The following PALLD variants were observed in gnomAD, a reference collection of about 807,000 sequenced individuals.
PALLD encodes the protein palladin, cytoskeletal associated protein.
In PALLD, 61 loss-of-function variants were observed where a neutral mutation model predicts 123.5. That is an observed-to-expected ratio of 0.49 (90% confidence interval 0.40 to 0.61). PALLD has a LOEUF of 0.61. Ranked by LOEUF, PALLD falls within the 20% of genes least tolerant of loss-of-function variation. The pLI, the probability that PALLD is intolerant of heterozygous loss-of-function variation, is 0.00. For synonymous variants in PALLD, 465 were observed against 496.4 expected, an observed-to-expected ratio of 0.94 and a Z score of 0.84; for missense variants, 1,273 against 1,377.0, an observed-to-expected ratio of 0.92 and a Z score of 1.20.
At chr4:168,870,508 G>A (rs892102547) in intron 10 of PALLD, among the ~76,000 whole-genome samples, 9 of 152,028 alleles carry the variant, frequency 5.9e-5, no homozygotes, top group Non-Finnish European at 1.3e-4. Flanking sequence ...TGATATATAC[G>A]TTTTTCAAAA....
intron 10 of PALLD, among the ~76,000 whole-genome samples, chr4:168,744,477 A>C (rs937897675): frequency 7.6e-6 from 1 of 131,734 alleles, no homozygotes; most frequent in Non-Finnish European, 1.6e-5. Context: ...GAGCCAAGAC[A>C]AGGTGTCTGG....
intron 2 of PALLD, among the ~76,000 whole-genome samples, chr4:168,576,256 C>T (rs896178276): frequency 6.6e-6 from 1 of 150,406 alleles, no homozygotes; most frequent in Non-Finnish European, 1.5e-5. Flanking sequence ...TATTATTATA[C>T]TTTGAGTTTT....
chr4:168,802,006 A>G (rs1161648032), intron 10 of PALLD, among the ~76,000 whole-genome samples: 1 of 152,224 alleles, frequency 6.6e-6, no homozygotes, highest in African/African-American at 2.4e-5. Context: ...CATGAAGAAG[A>G]GAACATGGAA....
At chr4:168,747,711 C>G (rs1056199548) in intron 10 of PALLD, among the ~76,000 whole-genome samples, 7 of 152,162 alleles carry the variant, frequency 4.6e-5, no homozygotes, top group Admixed American at 1.3e-4. Context: ...AATTTCTAGT[C>G]TCAGGGAAGC....
chr4:168,839,294 G>T (rs1027743457), intron 10 of PALLD, among the ~76,000 whole-genome samples: 1 of 152,052 alleles, frequency 6.6e-6, no homozygotes, highest in African/African-American at 2.4e-5. Flanking sequence ...ATTCTCTTGG[G>T]ACCACCTAAG....
intron 10 of PALLD, among the ~76,000 whole-genome samples, chr4:168,763,063 C>T (rs987136750): frequency 4.6e-5 from 7 of 152,084 alleles, no homozygotes; most frequent in African/African-American, 1.4e-4. Flanking sequence ...AGGAGAAATA[C>T]CTAATGTAGA....
intron 10 of PALLD, among the ~76,000 whole-genome samples, chr4:168,757,313 A>G (rs925106573): frequency 6.6e-6 from 1 of 152,196 alleles, no homozygotes; most frequent in African/African-American, 2.4e-5. Context: ...TGCCAAGTCA[A>G]AAAAACATCC....
intron 10 of PALLD, among the ~76,000 whole-genome samples, chr4:168,747,527 T>C (rs189768606): frequency 6.6e-6 from 1 of 152,308 alleles, no homozygotes; most frequent in African/African-American, 2.4e-5. Context: ...TGAGACAGTA[T>C]GTTTGAAACT....
intron 2 of PALLD, among the ~76,000 whole-genome samples, chr4:168,552,853 T>C (rs56663112): frequency 0.048 from 7,267 of 152,064 alleles, 196 homozygotes; most frequent in South Asian, 0.15. Context: ...TTTTTTAATT[T>C]TTAATAGAGA....
At chr4:168,875,616 T>C (rs1436755367) in intron 10 of PALLD, among the ~76,000 whole-genome samples, 1 of 152,170 alleles carries the variant, frequency 6.6e-6, no homozygotes, top group East Asian at 1.9e-4. Context: ...CAGTATATAC[T>C]AGCAGCCAAA....
chr4:168,878,081 G>T, intron 10 of PALLD: 1 of 1,445,002 alleles, frequency 6.9e-7, no homozygotes, highest in Non-Finnish European at 9.0e-7. Flanking sequence ...GTTCGGCCGC[G>T]CCCCCGTGCC....
At chr4:168,851,452 CT>C (rs200475378) in intron 10 of PALLD, among the ~76,000 whole-genome samples, 11,330 of 152,160 alleles carry the variant, frequency 0.074, 1,363 homozygotes, top group African/African-American at 0.25. Flanking sequence ...ACTGCAACCT[CT>C]GCCTCCCGGG....
intron 2 of PALLD, among the ~76,000 whole-genome samples, chr4:168,519,857 A>G (rs915468604): frequency 1.3e-5 from 2 of 152,126 alleles, no homozygotes; most frequent in Non-Finnish European, 2.9e-5. Flanking sequence ...ACCTAATTTT[A>G]TAGTTGCCTA....
chr4:168,543,058 A>G (rs563118643), intron 2 of PALLD, among the ~76,000 whole-genome samples: 9 of 151,934 alleles, frequency 5.9e-5, no homozygotes, highest in Admixed American at 5.9e-4. Flanking sequence ...TCATGAGCTG[A>G]TACTGTCTCG....
chr4:168,642,691 C>A (rs1777080158), intron 2 of PALLD, among the ~76,000 whole-genome samples: 1 of 152,248 alleles, frequency 6.6e-6, no homozygotes, highest in African/African-American at 2.4e-5. Flanking sequence ...CATGAGCCAC[C>A]ACGCCTGGCA....
At chr4:168,738,860 G>T (rs990878698) in intron 10 of PALLD, among the ~76,000 whole-genome samples, 2 of 151,534 alleles carry the variant, frequency 1.3e-5, no homozygotes, top group African/African-American at 4.9e-5. Flanking sequence ...ACATTAATGA[G>T]TACTGTATAA....
intron 10 of PALLD, among the ~76,000 whole-genome samples, chr4:168,861,431 G>A (rs1044010444): frequency 6.6e-6 from 1 of 152,154 alleles, no homozygotes; most frequent in Non-Finnish European, 1.5e-5. Context: ...GGAAGAAAAA[G>A]TAAGAGATGA....
intron 3 of PALLD, among the ~76,000 whole-genome samples, chr4:168,670,739 C>CA (rs752284669): frequency 0.042 from 1,882 of 44,520 alleles, 53 homozygotes; most frequent in Non-Finnish European, 0.05. Flanking sequence ...GACTCCGTCT[C>CA]AAAAAAACAA....
intron 2 of PALLD, among the ~76,000 whole-genome samples, chr4:168,532,739 C>A (rs188110752): frequency 6.6e-6 from 1 of 152,120 alleles, no homozygotes; most frequent in African/African-American, 2.4e-5. Flanking sequence ...AGGATAGAGA[C>A]TTGAGGGAGA....
Sources: allele counts gnomAD v4.1 joint callset (sites outside exome capture counted in the v4.1 genomes callset), GRCh38; gene constraint gnomAD v4.1.1; transcripts MANE v1.5; gene names NCBI Gene and HGNC (gene_info 2026-07-23, HGNC 2026-07-21).